The following CFAP54 variants were observed in gnomAD, a reference collection of about 807,000 sequenced individuals.
The protein encoded by CFAP54 is cilia and flagella associated protein 54.
Under a neutral mutation model 370.4 loss-of-function variants are expected in CFAP54, and 290 were observed. That is an observed-to-expected ratio of 0.78 (90% CI 0.71 to 0.86). The LOEUF is 0.86. Ranked by LOEUF, CFAP54 falls within the 40% of genes least tolerant of loss-of-function variation. The pLI, the probability that CFAP54 is intolerant of heterozygous loss-of-function variation, is 0.00. For missense variants in CFAP54, 3,399 were observed against 3,528.7 expected, an observed-to-expected ratio of 0.96 and a Z score of 0.93; for synonymous variants, 1,206 against 1,236.5, an observed-to-expected ratio of 0.98 and a Z score of 0.52.
rs778021444 is a variant in CFAP54 at position 96,688,946 on chromosome 12, AACTG to A, written c.6050_6053del (p.Asp2017ValfsTer52). ...TTAAGTCATTGAATGTTGAAAAGAA[AACTG>A]ACTGTTGCATTTTGTCTGCGTTACT... On this transcript the variant is annotated frameshift_variant, in exon 43 of 68. Coordinates refer to ENST00000524981, the MANE Select transcript of CFAP54 (RefSeq NM_001306084.2). LOFTEE classifies it high-confidence loss of function. The A allele has an allele frequency of 5.7e-6, 9 of 1,584,858 alleles. No individual in the cohort carries two copies. In the East Asian group the frequency reaches 1.1e-4, roughly 20 times the overall value.
At chr12:96,662,938 A>G (rs1385016134) in intron 38 of CFAP54, among the ~76,000 whole-genome samples, 1 of 152,154 alleles carries the variant, frequency 6.6e-6, no homozygotes, top group Non-Finnish European at 1.5e-5. Flanking sequence ...TTAATATATT[A>G]TATAATGTAC....
chr12:96,758,761 A>G (rs1322580661), intron 58 of CFAP54, among the ~76,000 whole-genome samples: 1 of 152,152 alleles, frequency 6.6e-6, no homozygotes, highest in Non-Finnish European at 1.5e-5. Flanking sequence ...AGTGCTTCCA[A>G]ACTAAGATGT....
rs900754057 is a variant in CFAP54, at chr12:96,533,877, T to G, written c.1443T>G (p.Ser481=). The G allele has an allele frequency of 6.5e-6, 10 of 1,535,162 alleles. No homozygotes were observed. In the African/African-American group the frequency reaches 1.4e-4, roughly 21 times the overall value. Residue 481 remains serine (S), a synonymous_variant, in exon 10 of 68, where the codon TCT becomes TCG. Coordinates refer to ENST00000524981, the MANE Select transcript of CFAP54 (RefSeq NM_001306084.2). ...TGATAGGAAGAAAAGATGTTATTTC[T>G]GTGGATGCTGCTGTGAAATTTATAA... The part of the protein sequence containing the change: ...ELMIGRKDVI[S]VDAAVKFIKL...
intron 39 of CFAP54, among the ~76,000 whole-genome samples, chr12:96,674,315 A>G (rs1461619515): frequency 6.7e-6 from 1 of 148,870 alleles, no homozygotes; most frequent in Non-Finnish European, 1.5e-5. Flanking sequence ...AGAGTGGTAC[A>G]ATGAAAGACA....
chr12:96,680,821 C>T (rs1245563298), intron 40 of CFAP54, among the ~76,000 whole-genome samples: 5 of 152,136 alleles, frequency 3.3e-5, no homozygotes, highest in Non-Finnish European at 7.4e-5. Context: ...CCGTGGCTCA[C>T]GCCTGTAATC....
At chr12:96,710,849 C>T (rs183388481) in intron 48 of CFAP54, among the ~76,000 whole-genome samples, 44 of 151,856 alleles carry the variant, frequency 2.9e-4, no homozygotes, top group African/African-American at 8.2e-4. Context: ...TTAGTAGAGA[C>T]GGGGTTTTAT....
At chr12:96,799,656 C>A (rs994552734) in intron 63 of CFAP54, among the ~76,000 whole-genome samples, 2 of 152,200 alleles carry the variant, frequency 1.3e-5, no homozygotes, top group Non-Finnish European at 2.9e-5. Context: ...TCTCCAGATA[C>A]CTTTCATGCT....
intron 61 of CFAP54, among the ~76,000 whole-genome samples, chr12:96,785,947 C>T (rs1958624842): frequency 6.6e-6 from 1 of 152,202 alleles, no homozygotes; most frequent in South Asian, 2.1e-4. Flanking sequence ...TGAGCCCTCA[C>T]TGCCCAAGGC....
chr12:96,521,553 T>TGC (rs1333065068), intron 6 of CFAP54, among the ~76,000 whole-genome samples: 3 of 144,998 alleles, frequency 2.1e-5, no homozygotes, highest in African/African-American at 7.8e-5. Context: ...TGTGTGCGCG[T>TGC]GCGCACATGA....
In CFAP54 at chr12:96,693,763, A is replaced by G; in HGVS notation, c.6306A>G (p.Gly2102=). The G allele has an allele frequency of 6.2e-7, 1 of 1,602,828 alleles. No individual in the cohort carries two copies. The highest frequency in any genetic ancestry group is 8.5e-7 in the Non-Finnish European group (1 of 1,171,110). ...LLALYQYFVS[G]ICQDITRNLE... is the part of the protein sequence containing the mutation. ...CATTGTATCAATATTTTGTTTCTGGAATTTGTCAAGACATAACAAGAAATC... is the reference window on the plus strand; with the variant it reads ...CATTGTATCAATATTTTGTTTCTGGGATTTGTCAAGACATAACAAGAAATC... Residue 2102 remains glycine (G), a synonymous_variant, in exon 45 of 68, where the codon GGA becomes GGG. Transcript: ENST00000524981.
intron 39 of CFAP54, among the ~76,000 whole-genome samples, chr12:96,665,288 T>TA (rs1296230374): frequency 2.0e-5 from 3 of 152,202 alleles, no homozygotes; most frequent in South Asian, 4.1e-4. Context: ...ACAATGTTGA[T>TA]AGTTTCTTTT....
chr12:96,685,916 G>C (rs772115483), intron 42 of CFAP54, among the ~76,000 whole-genome samples: 14 of 152,196 alleles, frequency 9.2e-5, no homozygotes, highest in Non-Finnish European at 1.8e-4. Context: ...AAACAGTGTG[G>C]AGGCAGTCAG....
rs527420356 is a variant in CFAP54 at position 96,549,389 on chromosome 12, T to C, written c.2154+1411T>C. Among the ~76,000 whole-genome samples the C allele has an allele frequency of 3.0e-4, 46 of 152,336 alleles. 1 individual carries two copies. The highest frequency in any genetic ancestry group is 1.1e-3 in the African/African-American group (45 of 41,574). ...ACGAGACCATTTATGAACTGTTATT[T>C]ATTTAAATAAGAAAAATGTACCCTC... is the stretch of plus-strand genomic sequence containing the variant. On this transcript the variant is annotated intron_variant, in intron 15 of 67. Transcript: ENST00000524981.
chr12:96,505,818 C>T (rs182535708), intron 3 of CFAP54, among the ~76,000 whole-genome samples: 54 of 149,560 alleles, frequency 3.6e-4, no homozygotes, highest in Non-Finnish European at 6.5e-4. Flanking sequence ...ATTCAGTGAC[C>T]GCAGCAGTCC....
intron 66 of CFAP54, among the ~76,000 whole-genome samples, chr12:96,858,376 A>G (rs1398440870): frequency 6.6e-6 from 1 of 152,114 alleles, no homozygotes; most frequent in Non-Finnish European, 1.5e-5. Context: ...TCAGTTCCTC[A>G]TAGATGCTGG....
intron 17 of CFAP54, among the ~76,000 whole-genome samples, chr12:96,559,448 C>A (rs1489475255): frequency 6.6e-6 from 1 of 152,066 alleles, no homozygotes; most frequent in Non-Finnish European, 1.5e-5. Flanking sequence ...TTCCCTCCAA[C>A]TTTTTATTTA....
chr12:96,735,086 A>G (rs185332612), intron 50 of CFAP54, among the ~76,000 whole-genome samples: 2 of 152,358 alleles, frequency 1.3e-5, no homozygotes, highest in African/African-American at 4.8e-5. Flanking sequence ...AATGAGGTCC[A>G]GATTTCTACC....
chr12:96,857,981 G>A lies in CFAP54; in HGVS notation c.9172-2838G>A, dbSNP rs570530564. On this transcript the variant is annotated intron_variant, in intron 66 of 67. Coordinates refer to ENST00000524981, the MANE Select transcript of CFAP54 (RefSeq NM_001306084.2). ...GAACATTTGTGTGCACATGTCTGAA[G>A]TCTTAATGGTAGAATGATTTGTATT... is the stretch of plus-strand genomic sequence containing the variant. Among the ~76,000 whole-genome samples, 281 of 152,268 alleles carry A rather than the reference G, an allele frequency of 1.8e-3. 1 individual carries two copies. The highest frequency in any genetic ancestry group is 6.1e-3 in the African/African-American group (253 of 41,546).
intron 66 of CFAP54, among the ~76,000 whole-genome samples, chr12:96,851,459 A>G (rs1308167444): frequency 6.6e-6 from 1 of 152,070 alleles, no homozygotes; most frequent in Non-Finnish European, 1.5e-5. Flanking sequence ...AGCTCTTGTA[A>G]TAAGGCAAGA....
Sources: gnomAD v4.1 joint callset for allele counts (sites outside exome capture counted in the v4.1 genomes callset) on GRCh38, gnomAD v4.1.1 for gene constraint, MANE v1.5 for transcripts, NCBI Gene and HGNC (gene_info 2026-07-23, HGNC 2026-07-21) for gene names.